Variants in MAP3K3 observed in about 807,000 individuals in gnomAD.
The protein encoded by MAP3K3 is mitogen-activated protein kinase kinase kinase 3.
Under a neutral mutation model 80.9 loss-of-function variants are expected in MAP3K3, and 12 were observed. The ratio of observed to expected loss-of-function variants is 0.15; its 90% CI spans 0.10 to 0.24. The LOEUF is 0.24. MAP3K3 is among the 10% of genes least tolerant of loss of function. The pLI is 1.00. For synonymous variants in MAP3K3, 272 were observed against 307.1 expected (o/e 0.89, Z 1.19); for missense variants, 596 against 834.7 (o/e 0.71, Z 3.52).
chr17:63,667,194 C>A, intron 6 of MAP3K3, 134 bp downstream of exon 6: 1 of 975,940 alleles, frequency 1.0e-6, no homozygotes, highest in Non-Finnish European at 1.4e-6. Flanking sequence ...TCCTTTATGC[C>A]TTTATTTTAT....
At position 63,667,022 on chromosome 17, in the gene MAP3K3, A is replaced by T. The variant is rs1849119214; in HGVS notation, c.464A>T (p.Tyr155Phe). 2.5e-6 allele frequency: 4 copies of T among 1,611,656 alleles called. No homozygotes were observed. The highest frequency in any genetic ancestry group is 3.4e-6 in the Non-Finnish European group (4 of 1,179,462). ...TCCGCAGGGGATATAAATACTATCT[A>T]CCAGCCCCCCGAGCCCAGAAGCAGG... Reference protein sequence around the residue: ...SQSAGDINTIYQPPEPRSRHL... With the variant: ...SQSAGDINTIFQPPEPRSRHL... The change falls in exon 6 of 16, where the codon TAC (tyrosine) becomes TTC (phenylalanine). Residue 155 changes from tyrosine (Y) to phenylalanine (F), a missense_variant. By Grantham distance (22) the Tyr-to-Phe change is conservative. This residue lies in a region of MAP3K3 where 232 missense variants were observed against 245.8 expected (regional missense o/e 0.94). Coordinates refer to ENST00000361733, the MANE Select transcript of MAP3K3 (RefSeq NM_002401.5).
At chr17:63,658,504 C>T (rs2034818280) in intron 5 of MAP3K3, among the ~76,000 whole-genome samples, 1 of 152,150 alleles carries the variant, frequency 6.6e-6, no homozygotes, top group Non-Finnish European at 1.5e-5. Context: ...TCCTGGAGGC[C>T]CGCATTTCAC....
intron 5 of MAP3K3, among the ~76,000 whole-genome samples, chr17:63,658,593 T>G (rs1299371417): frequency 6.6e-6 from 1 of 152,326 alleles, no homozygotes; most frequent in East Asian, 1.9e-4. Flanking sequence ...TTTCTGAAGG[T>G]TTCTTGGCAC....
chr17:63,672,662 T>C (rs1568144563), intron 6 of MAP3K3, among the ~76,000 whole-genome samples: 1 of 152,064 alleles, frequency 6.6e-6, no homozygotes, highest in South Asian at 2.1e-4. Context: ...GATTGAGCCT[T>C]AGGAACCCAA....
chr17:63,652,049 T>C (rs1385885954), intron 3 of MAP3K3, among the ~76,000 whole-genome samples: 1 of 152,226 alleles, frequency 6.6e-6, no homozygotes, highest in Non-Finnish European at 1.5e-5. Flanking sequence ...TTATTTAAGT[T>C]CTGGGGTACA....
At chr17:63,659,625 C>T (rs779298975) in intron 5 of MAP3K3, among the ~76,000 whole-genome samples, 15 of 150,796 alleles carry the variant, frequency 9.9e-5, no homozygotes, top group South Asian at 2.1e-4. Flanking sequence ...CTCCACCTCC[C>T]GGGTTCAAGC....
chr17:63,642,735 G>GT (rs1419350734), intron 2 of MAP3K3, among the ~76,000 whole-genome samples: 1 of 151,990 alleles, frequency 6.6e-6, no homozygotes, highest in Admixed American at 6.6e-5. Flanking sequence ...TTTTAACCTC[G>GT]TTTTTTTGTT....
chr17:63,622,933 C>T (rs2034020935), intron 1 of MAP3K3, among the ~76,000 whole-genome samples, 170 bp downstream of exon 1: 1 of 145,528 alleles, frequency 6.9e-6, no homozygotes, highest in Non-Finnish European at 1.5e-5. Flanking sequence ...GCGCCGCGGC[C>T]CGGGCGGGGG....
intron 6 of MAP3K3, among the ~76,000 whole-genome samples, chr17:63,668,919 G>C (rs1234280480): frequency 6.6e-6 from 1 of 152,106 alleles, no homozygotes; most frequent in African/African-American, 2.4e-5. Flanking sequence ...GGGAGAGAGG[G>C]GCTTTCACAG....
At chr17:63,631,949 T>G (rs962923835) in intron 1 of MAP3K3, among the ~76,000 whole-genome samples, 1 of 152,198 alleles carries the variant, frequency 6.6e-6, no homozygotes, top group African/African-American at 2.4e-5. Flanking sequence ...TAAAGTGTGC[T>G]CTCCTCCTTA....
intron 5 of MAP3K3, among the ~76,000 whole-genome samples, chr17:63,662,276 G>C (rs1262957456): frequency 6.7e-6 from 1 of 150,356 alleles, no homozygotes; most frequent in East Asian, 1.9e-4. Context: ...AAATTAGCCA[G>C]GTGTGGTGCG....
chr17:63,660,288 C>T (rs1327472805), intron 5 of MAP3K3, among the ~76,000 whole-genome samples: 2 of 152,078 alleles, frequency 1.3e-5, no homozygotes, highest in Non-Finnish European at 2.9e-5. Flanking sequence ...ACAGCCTCAA[C>T]CTCCCAGACT....
At chr17:63,656,307 C>A (rs2034766540) in intron 4 of MAP3K3, among the ~76,000 whole-genome samples, 1 of 151,554 alleles carries the variant, frequency 6.6e-6, no homozygotes, top group South Asian at 2.1e-4. Flanking sequence ...GTTTACCATA[C>A]GTGTATAAAA....
intron 1 of MAP3K3, among the ~76,000 whole-genome samples, chr17:63,629,095 C>G (rs1231250929): frequency 6.6e-6 from 1 of 151,908 alleles, no homozygotes; most frequent in Non-Finnish European, 1.5e-5. Flanking sequence ...GTTCATATTC[C>G]TAACTGCTTC....
chr17:63,668,860 T>C (rs2035048358), intron 6 of MAP3K3, among the ~76,000 whole-genome samples: 1 of 152,208 alleles, frequency 6.6e-6, no homozygotes, highest in South Asian at 2.1e-4. Flanking sequence ...AGATGAATGC[T>C]GCAGTGAAGC....
intron 4 of MAP3K3, among the ~76,000 whole-genome samples, chr17:63,655,100 C>G (rs187830545): frequency 6.6e-6 from 1 of 152,278 alleles, no homozygotes; most frequent in Non-Finnish European, 1.5e-5. Flanking sequence ...AATTGACTCA[C>G]AGTTCAGCAT....
At chr17:63,661,134 C>T (rs1258379606) in intron 5 of MAP3K3, among the ~76,000 whole-genome samples, 1 of 151,868 alleles carries the variant, frequency 6.6e-6, no homozygotes, top group Admixed American at 6.6e-5. Flanking sequence ...GCAACCTCCG[C>T]CTCCCAGATT....
chr17:63,646,247 T>C (rs1466025000), intron 3 of MAP3K3, among the ~76,000 whole-genome samples, 173 bp downstream of exon 3: 2 of 152,222 alleles, frequency 1.3e-5, no homozygotes, highest in African/African-American at 4.8e-5. Context: ...GCCTACTAAT[T>C]GAACCTTGTT....
intron 2 of MAP3K3, among the ~76,000 whole-genome samples, chr17:63,642,791 C>T (rs2034468852): frequency 1.3e-5 from 2 of 152,196 alleles, no homozygotes; most frequent in South Asian, 4.1e-4. Context: ...AATCCTTGTT[C>T]TATCACCCAG....
Sources: allele counts gnomAD v4.1 joint callset (sites outside exome capture counted in the v4.1 genomes callset), GRCh38; gene constraint gnomAD v4.1.1; regional missense constraint gnomAD v4.1.1; transcripts MANE v1.5; gene names NCBI Gene and HGNC (gene_info 2026-07-23, HGNC 2026-07-21).